The following DNAJB1 variants were observed in gnomAD, a reference collection of about 807,000 sequenced individuals.
DNAJB1 encodes dnaJ homolog subfamily B member 1.
A neutral mutation model predicts 24.0 loss-of-function variants in DNAJB1; 14 were observed. The observed-to-expected ratio is 0.58, with a 90% CI of 0.39 to 0.91. DNAJB1 has a LOEUF of 0.91. Ranked by LOEUF, DNAJB1 falls within the 40% of genes least tolerant of loss-of-function variation. DNAJB1 has a pLI of 0.00. For missense variants in DNAJB1, 517 were observed against 458.1 expected, an observed-to-expected ratio of 1.13 and a Z score of -1.17; for synonymous variants, 262 against 174.4, an observed-to-expected ratio of 1.50 and a Z score of -3.96.
exon 1 of DNAJB1, among the ~76,000 whole-genome samples, chr19:14,560,146 C>T (rs910622132): frequency 6.6e-6 from 1 of 152,230 alleles, no homozygotes; most frequent in Non-Finnish European, 1.5e-5. Context: ...AGCCCGGCGT[C>T]CTCTCCCAGC....
intron 1 of DNAJB1, among the ~76,000 whole-genome samples, chr19:14,559,030 G>A (rs905949116): frequency 6.6e-6 from 1 of 152,164 alleles, no homozygotes; most frequent in Non-Finnish European, 1.5e-5. Flanking sequence ...TGGCAGTGGG[G>A]TGTGGGGCGC....
At chr19:14,516,281 TG>T (rs1414296081) in intron 2 of DNAJB1, 111 bp from the exon 3 acceptor site, 4 of 1,345,872 alleles carry the variant, frequency 3.0e-6, no homozygotes, top group East Asian at 4.8e-5. Flanking sequence ...AGCTAAGACC[TG>T]GCCCCCAAAT....
upstream of DNAJB1, among the ~76,000 whole-genome samples, chr19:14,553,081 GTGTT>G (rs774048739): frequency 6.6e-6 from 1 of 152,184 alleles, no homozygotes; most frequent in South Asian, 2.1e-4. Context: ...ACTTCCCACT[GTGTT>G]TGTCTTGTGC....
At chr19:14,540,063 AT>A (rs577605678) in intron 1 of DNAJB1, among the ~76,000 whole-genome samples, 79 of 116,420 alleles carry the variant, frequency 6.8e-4, no homozygotes, top group African/African-American at 1.2e-3. Flanking sequence ...AATTTATTTA[AT>A]TTTTTTTTTT....
upstream of DNAJB1, among the ~76,000 whole-genome samples, chr19:14,520,543 A>T (rs1337226124): frequency 6.6e-6 from 1 of 152,170 alleles, no homozygotes; most frequent in African/African-American, 2.4e-5. Flanking sequence ...CTCTTGGCCC[A>T]CTCAATGATC....
At chr19:14,534,795 A>G (rs976759565), upstream of DNAJB1, among the ~76,000 whole-genome samples, 1 of 152,166 alleles carries the variant, frequency 6.6e-6, no homozygotes, top group African/African-American at 2.4e-5. Flanking sequence ...CTTTACAGAT[A>G]ATGCAACTGA....
At chr19:14,531,841 G>GATT, upstream of DNAJB1, 1 of 151,944 alleles carries the variant, frequency 6.6e-6, no homozygotes, top group East Asian at 1.9e-4. Flanking sequence ...TTCTGATGTG[G>GATT]ATTCCCCTCT....
At position 14,515,610 on chromosome 19, in the gene DNAJB1, G is replaced by A; in HGVS notation, c.*330C>T. The A allele has an allele frequency of 3.0e-6, 1 of 328,050 alleles. No individual in the cohort carries two copies. Among genetic ancestry groups the A allele is most frequent in the Non-Finnish European group, 5.7e-6 (1 of 176,724 alleles). 20.3% of individuals were successfully genotyped at this position (328,050 alleles called of 1,614,324 possible). On this transcript the variant is annotated 3_prime_UTR_variant, in exon 3 of 3. Coordinates refer to ENST00000254322, the MANE Select transcript of DNAJB1 (RefSeq NM_006145.3). The stretch of plus-strand genomic sequence containing the variant: ...AGCCAGAAGCAAAAAGACACAGAGG[G>A]ATCAAGTCCATCTGCTGGTCTGCCT...
intron 2 of DNAJB1, among the ~76,000 whole-genome samples, chr19:14,525,417 G>C (rs894613323): frequency 2.0e-5 from 3 of 151,542 alleles, no homozygotes; most frequent in African/African-American, 7.3e-5. Flanking sequence ...AACCCTAACT[G>C]TCCTTCAATG....
upstream of DNAJB1, among the ~76,000 whole-genome samples, chr19:14,522,395 G>A (rs965600410): frequency 1.4e-5 from 2 of 147,172 alleles, no homozygotes; most frequent in Non-Finnish European, 3.0e-5. Flanking sequence ...TGAGGCAGGA[G>A]AATTACTTGA....
chr19:14,523,130 T>C (rs1050040015), upstream of DNAJB1, among the ~76,000 whole-genome samples: 2 of 151,286 alleles, frequency 1.3e-5, no homozygotes, highest in Non-Finnish European at 3.0e-5. Flanking sequence ...CGCTTGAACC[T>C]GGGAGGTGGA....
intron 1 of DNAJB1, among the ~76,000 whole-genome samples, chr19:14,541,726 T>G (rs1331587738): frequency 2.0e-5 from 3 of 151,588 alleles, no homozygotes; most frequent in Non-Finnish European, 4.4e-5. Context: ...CGTTGAGGGA[T>G]GAGGCTGACA....
upstream of DNAJB1, among the ~76,000 whole-genome samples, chr19:14,551,319 C>T (rs2073496418): frequency 6.6e-6 from 1 of 152,068 alleles, no homozygotes; most frequent in African/African-American, 2.4e-5. Context: ...AGGTGATCCA[C>T]CCACCTCGGC....
At chr19:14,560,104 G>A (rs887050051) in exon 1 of DNAJB1, among the ~76,000 whole-genome samples, 7 of 152,280 alleles carry the variant, frequency 4.6e-5, no homozygotes, top group African/African-American at 1.2e-4. Flanking sequence ...AGCTGTGAGC[G>A]TGGCCCCTCT....
chr19:14,537,113 G>A (rs1048342952), intron 1 of DNAJB1, among the ~76,000 whole-genome samples: 4 of 144,390 alleles, frequency 2.8e-5, no homozygotes, highest in Non-Finnish European at 6.0e-5. Context: ...GCAGGGCTGA[G>A]GTGGAGGAGG....
chr19:14,536,925 C>A (rs988027044), intron 1 of DNAJB1, among the ~76,000 whole-genome samples: 4 of 148,394 alleles, frequency 2.7e-5, no homozygotes, highest in African/African-American at 5.0e-5. Context: ...GCCCTACTCA[C>A]CTCTGGACCT....
chr19:14,525,677 T>C (rs2072412361), intron 2 of DNAJB1, among the ~76,000 whole-genome samples: 1 of 152,014 alleles, frequency 6.6e-6, no homozygotes, highest in African/African-American at 2.4e-5. Context: ...ATGGAGTAGT[T>C]TGGAGAATTT....
At position 14,516,975 on chromosome 19, in the gene DNAJB1, G is replaced by A; in HGVS notation, c.283C>T (p.His95Tyr). 1.2e-6 allele frequency: 2 copies of A among 1,612,854 alleles called. No individual in the cohort carries two copies. The highest frequency in any genetic ancestry group is 8.5e-7 in the Non-Finnish European group (1 of 1,179,996). Residue 95 changes from histidine to tyrosine, a missense_variant, in exon 2 of 3, where the codon CAT (histidine) becomes TAT (tyrosine). His to Tyr is a moderately conservative substitution (Grantham distance 83). Transcript: ENST00000254322. ...GCAAACATGGCATGAGGGTCTCCAT[G>A]GAATGTGTAGCTGAAAGAGGTACCA... ...ANGTSFSYTF[H>Y]GDPHAMFAEF... is the part of the protein sequence containing the mutation.
chr19:14,533,136 T>A (rs563222561), upstream of DNAJB1, among the ~76,000 whole-genome samples: 2 of 149,810 alleles, frequency 1.3e-5, no homozygotes, highest in South Asian at 4.2e-4. Flanking sequence ...AAGGATATAT[T>A]TCAGCTGGGC....
Sources: allele counts gnomAD v4.1 joint callset (sites outside exome capture counted in the v4.1 genomes callset), GRCh38; gene constraint gnomAD v4.1.1; transcripts MANE v1.5; gene names NCBI Gene and HGNC (gene_info 2026-07-23, HGNC 2026-07-21).